Variants in LRRC8D observed in about 807,000 individuals in gnomAD.
The protein encoded by LRRC8D is volume-regulated anion channel subunit LRRC8D.
A neutral mutation model predicts 55.8 loss-of-function variants in LRRC8D; 20 were observed. The observed-to-expected ratio is 0.36, with a 90% confidence interval of 0.25 to 0.52. The LOEUF (loss-of-function observed/expected upper bound fraction) is 0.52. Among genes scored for constraint, LRRC8D ranks in the 20% least tolerant of loss-of-function variants. The pLI is 0.93. For missense variants in LRRC8D, 651 were observed against 1,030.8 expected (o/e 0.63, Z 5.05); for synonymous variants, 352 against 377.0 (o/e 0.93, Z 0.77).
In LRRC8D at chr1:89,924,003, C is replaced by T. The variant is rs1406319983; in HGVS notation, c.-2-9064C>T. The stretch of plus-strand genomic sequence containing the variant: ...TGAAGAAAACCTAAAAAATACTATT[C>T]TGGATGTTGGCCTTGGCAAAGAATT... On this transcript the variant is annotated intron_variant, in intron 2 of 2. Coordinates refer to ENST00000337338, the MANE Select transcript of LRRC8D (RefSeq NM_001134479.2). Among the ~76,000 whole-genome samples, 4 of 152,222 alleles carry T rather than the reference C, an allele frequency of 2.6e-5. No individual in the cohort carries two copies. In the East Asian group the frequency reaches 7.7e-4, roughly 29 times the overall value.
chr1:89,875,145 C>T (rs373407563), intron 2 of LRRC8D, among the ~76,000 whole-genome samples: 18 of 152,052 alleles, frequency 1.2e-4, no homozygotes, highest in Middle Eastern at 6.8e-3. Context: ...TTAAGTAGCC[C>T]GGTAGAATCT....
At chr1:89,883,900 G>A (rs930813722) in intron 2 of LRRC8D, among the ~76,000 whole-genome samples, 5 of 152,058 alleles carry the variant, frequency 3.3e-5, no homozygotes, top group African/African-American at 7.2e-5. Context: ...AGAAAAGCTG[G>A]GTGCTTTCTG....
chr1:89,881,350 A>G (rs1332043255), intron 2 of LRRC8D, among the ~76,000 whole-genome samples: 31 of 152,194 alleles, frequency 2.0e-4, no homozygotes, highest in Non-Finnish European at 1.8e-4. Flanking sequence ...TAAAGAAAGG[A>G]GAATGTATGA....
chr1:89,875,768 A>G (rs1325903609), intron 2 of LRRC8D, among the ~76,000 whole-genome samples: 2 of 152,214 alleles, frequency 1.3e-5, no homozygotes, highest in African/African-American at 4.8e-5. Flanking sequence ...GCAGTGTTCT[A>G]AGTGCCTTGC....
At chr1:89,920,799 G>T (rs1237713051) in intron 2 of LRRC8D, among the ~76,000 whole-genome samples, 1 of 151,782 alleles carries the variant, frequency 6.6e-6, no homozygotes, top group Non-Finnish European at 1.5e-5. Context: ...ACTGATTTGG[G>T]TGTGCTGTGT....
intron 1 of LRRC8D, among the ~76,000 whole-genome samples, chr1:89,831,985 C>G (rs973016502): frequency 2.6e-5 from 4 of 152,148 alleles, no homozygotes; most frequent in African/African-American, 9.7e-5. Context: ...GAAGGGCCAG[C>G]CTCCAGGGTC....
At chr1:89,908,737 T>C (rs1663056756) in intron 2 of LRRC8D, among the ~76,000 whole-genome samples, 1 of 152,210 alleles carries the variant, frequency 6.6e-6, no homozygotes, top group South Asian at 2.1e-4. Flanking sequence ...ATTGACCATG[T>C]TGGACCAGCA....
intron 2 of LRRC8D, among the ~76,000 whole-genome samples, chr1:89,929,488 C>A (rs940412810): frequency 6.6e-6 from 1 of 152,142 alleles, no homozygotes; most frequent in African/African-American, 2.4e-5. Context: ...AGCAGAAAGA[C>A]CAGTTGTAAT....
chr1:89,849,554 A>T (rs1030003812), intron 2 of LRRC8D, among the ~76,000 whole-genome samples: 4 of 151,870 alleles, frequency 2.6e-5, no homozygotes, highest in African/African-American at 7.3e-5. Flanking sequence ...ATTATACCTA[A>T]TCAATTATAA....
chr1:89,884,116 G>A (rs1358972039), intron 2 of LRRC8D, among the ~76,000 whole-genome samples: 1 of 152,156 alleles, frequency 6.6e-6, no homozygotes, highest in Non-Finnish European at 1.5e-5. Flanking sequence ...AGTAGGGCAC[G>A]TTGTTTGAAC....
At chr1:89,860,482 G>A (rs1661673740) in intron 2 of LRRC8D, among the ~76,000 whole-genome samples, 1 of 151,828 alleles carries the variant, frequency 6.6e-6, no homozygotes, top group Non-Finnish European at 1.5e-5. Flanking sequence ...ACACGTGGCC[G>A]GGCACAGTGG....
rs569821000 is a variant in LRRC8D, at chr1:89,916,960, C to G, written c.-2-16107C>G. On this transcript the variant is annotated intron_variant, in intron 2 of 2. Transcript: ENST00000337338. The stretch of plus-strand genomic sequence containing the variant: ...TTTCATTGATAAGGAAAATGAAGGC[C>G]CAAGTTTACACAGTGATGTGAAACA... Among the ~76,000 whole-genome samples, 5 of 152,172 alleles carry G rather than the reference C, an allele frequency of 3.3e-5. No homozygotes were observed. The East Asian group carries it at 9.6e-4, about 29-fold the overall frequency.
chr1:89,884,867 C>T (rs571698555), intron 2 of LRRC8D, among the ~76,000 whole-genome samples: 10 of 152,240 alleles, frequency 6.6e-5, no homozygotes, highest in South Asian at 2.1e-4. Flanking sequence ...CCCTTAGACC[C>T]GAACTATTAC....
intron 2 of LRRC8D, among the ~76,000 whole-genome samples, chr1:89,926,726 T>C (rs1355035656): frequency 6.6e-6 from 1 of 152,190 alleles, no homozygotes; most frequent in South Asian, 2.1e-4. Context: ...GACCACTGGG[T>C]TATTATGAAA....
chr1:89,882,712 T>C (rs1035010741), intron 2 of LRRC8D, among the ~76,000 whole-genome samples: 1 of 152,234 alleles, frequency 6.6e-6, no homozygotes, highest in African/African-American at 2.4e-5. Context: ...ATTGAATTAA[T>C]GGATAAATAA....
Position 89,821,149 on chromosome 1 carries a change from C to CGGGGCCGCGGGAGCA in LRRC8D, c.-286_-272dup, listed in dbSNP as rs2100677438. The CGGGGCCGCGGGAGCA allele has an allele frequency of 6.6e-6, 1 of 152,120 alleles. No individual in the cohort carries two copies. Among genetic ancestry groups the CGGGGCCGCGGGAGCA allele is most frequent in the Admixed American group, 6.6e-5 (1 of 15,210 alleles). 9.4% of individuals were successfully genotyped at this position (152,120 alleles called of 1,614,324 possible). A position where few individuals can be genotyped will look rare whatever the true frequency, so the allele number is the denominator to read the frequency against. ...CGCGCTTCGAGGTGGCAGCCGCGGG[C>CGGGGCCGCGGGAGCA]GGGGCCGCGGGAGCAGGGTCCAGGG... On this transcript the variant is annotated 5_prime_UTR_variant, in exon 1 of 3. Transcript: ENST00000337338.
intron 2 of LRRC8D, among the ~76,000 whole-genome samples, chr1:89,932,279 A>C (rs1570900629): frequency 6.6e-6 from 1 of 152,264 alleles, no homozygotes; most frequent in South Asian, 2.1e-4. Context: ...TGATTATTTC[A>C]TGGCCACCTG....
intron 2 of LRRC8D, among the ~76,000 whole-genome samples, chr1:89,854,459 G>T (rs1342220883): frequency 6.6e-6 from 1 of 152,090 alleles, no homozygotes; most frequent in Non-Finnish European, 1.5e-5. Context: ...CACAGGCCCT[G>T]CCTGAAACAT....
Position 89,860,785 on chromosome 1 carries a change from A to AAAAAAAATATATAT in LRRC8D, c.-3+17004_-3+17005insAAAAAATATATATA, listed in dbSNP as rs1553123917. 2.1e-4 allele frequency among the ~76,000 whole-genome samples: 6 copies of AAAAAAAATATATAT among 28,190 alleles called. 1 individual carries two copies. The highest frequency in any genetic ancestry group is 6.8e-4 in the Admixed American group (1 of 1,462). The allele number at this position is 28,190 out of a possible 152,430, so 18.5% of individuals were successfully genotyped here. ...AAAAAAAAAAAAAAAAAAAAAAAAAAATATATATATATATATATATATATA... is the reference window on the plus strand; with the variant it reads ...AAAAAAAAAAAAAAAAAAAAAAAAAAAAAAAAATATATATATATATATATATATATATATATATA... On this transcript the variant is annotated intron_variant, in intron 2 of 2. Transcript: ENST00000337338.
Sources: allele counts gnomAD v4.1 joint callset (sites outside exome capture counted in the v4.1 genomes callset), GRCh38; gene constraint gnomAD v4.1.1; transcripts MANE v1.5; gene names NCBI Gene and HGNC (gene_info 2026-07-23, HGNC 2026-07-21).